Variants in TYW1 observed in about 807,000 individuals in gnomAD.
TYW1 encodes S-adenosyl-L-methionine-dependent tRNA 4-demethylwyosine synthase TYW1.
In TYW1, 46 loss-of-function variants were observed where a neutral mutation model predicts 96.2. The observed-to-expected ratio is 0.48, with a 90% CI of 0.38 to 0.61. TYW1 has a LOEUF of 0.61. TYW1 is among the 20% of genes least tolerant of loss of function. The pLI, the probability that TYW1 is intolerant of heterozygous loss-of-function variation, is 0.00. For missense variants in TYW1, 684 were observed against 909.6 expected, an observed-to-expected ratio of 0.75 and a Z score of 3.19; for synonymous variants, 274 against 323.0, an observed-to-expected ratio of 0.85 and a Z score of 1.63.
rs1241521573 is a variant in TYW1, at chr7:67,098,565, G to A, written c.1409G>A (p.Arg470His). 19 of 1,595,994 alleles carry A rather than the reference G, an allele frequency of 1.2e-5. 1 individual carries two copies. In the South Asian group the frequency reaches 1.6e-4, roughly 13 times the overall value. ...FKGVPGVKAE[R>H]FEEGMTVKHC... ...GGAGTACCGGGCGTCAAAGCAGAAC[G>A]CTTTGAAGAAGGAATGACGGTAAAG... The change falls in exon 12 of 16, where the codon CGC becomes CAC. Residue 470 changes from arginine (R) to histidine (H), a missense_variant. Physicochemically the swap from Arg to His is conservative, Grantham distance 29 (BLOSUM62 0). Transcript: ENST00000359626.
intron 13 of TYW1, among the ~76,000 whole-genome samples, chr7:67,123,992 T>A (rs1192765198): frequency 2.6e-5 from 4 of 152,124 alleles, no homozygotes. Flanking sequence ...ATACTGACCT[T>A]TTGAACCAAG....
chr7:67,095,513 A>C lies in TYW1; in HGVS notation c.1385-3028A>C, dbSNP rs1472352392. Among the ~76,000 whole-genome samples the C allele has an allele frequency of 2.0e-5, 3 of 149,698 alleles. 1 individual carries two copies. The highest frequency in any genetic ancestry group is 4.4e-5 in the Non-Finnish European group (3 of 67,528). On this transcript the variant is annotated intron_variant, in intron 11 of 15. Coordinates refer to ENST00000359626, the MANE Select transcript of TYW1 (RefSeq NM_018264.4). ...AAAAATACAAAAAAAAAAAAATTAG[A>C]CAGACGTGGTGGTGTGCGCCTGTAA...
chr7:67,121,455 T>G (rs1156434951), intron 13 of TYW1, among the ~76,000 whole-genome samples: 1 of 152,068 alleles, frequency 6.6e-6, no homozygotes. Context: ...GCAGGAGAAT[T>G]GCTTCAACCG....
intron 11 of TYW1, among the ~76,000 whole-genome samples, chr7:67,090,015 C>T (rs1193690321): frequency 1.3e-5 from 2 of 152,102 alleles, no homozygotes; most frequent in East Asian, 1.9e-4. Flanking sequence ...GGAACGTCCT[C>T]GGTACTAAAG....
chr7:67,232,462 C>A (rs1243321445), intron 15 of TYW1, among the ~76,000 whole-genome samples: 1 of 151,236 alleles, frequency 6.6e-6, no homozygotes, highest in African/African-American at 2.4e-5. Flanking sequence ...ATCACTTGAA[C>A]CCGAGAGGTG....
chr7:67,128,283 T>A (rs1450525678), intron 13 of TYW1, among the ~76,000 whole-genome samples: 3 of 152,220 alleles, frequency 2.0e-5, no homozygotes, highest in Non-Finnish European at 2.9e-5. Context: ...CTGTTGAGAA[T>A]CCTTAAACTC....
chr7:67,069,251 A>G (rs1266603809), intron 10 of TYW1, among the ~76,000 whole-genome samples: 1 of 152,200 alleles, frequency 6.6e-6, no homozygotes, highest in Non-Finnish European at 1.5e-5. Flanking sequence ...GAATTGGTAA[A>G]CTATTTTGAA....
intron 11 of TYW1, 71 bp from the exon 12 acceptor site, chr7:67,098,470 T>G (rs1796986272): frequency 1.4e-6 from 2 of 1,458,594 alleles, no homozygotes; most frequent in Non-Finnish European, 1.8e-6. Flanking sequence ...CAAAGCATCA[T>G]TAAGAAAAAC....
At chr7:67,176,394 C>T (rs1584657118) in intron 13 of TYW1, among the ~76,000 whole-genome samples, 1 of 152,098 alleles carries the variant, frequency 6.6e-6, no homozygotes, top group Non-Finnish European at 1.5e-5. Flanking sequence ...AACGTGGCTA[C>T]CCTGAATTGA....
chr7:67,087,945 C>T (rs1481890556), intron 11 of TYW1, among the ~76,000 whole-genome samples: 1 of 152,046 alleles, frequency 6.6e-6, no homozygotes, highest in Non-Finnish European at 1.5e-5. Context: ...CTCACTGCAA[C>T]CTCTGCCTCC....
Position 67,098,618 on chromosome 7 carries a change from C to T in TYW1, c.1462C>T (p.Pro488Ser). The T allele has an allele frequency of 6.2e-7, 1 of 1,613,620 alleles. No individual in the cohort carries two copies. The highest frequency in any genetic ancestry group is 8.5e-7 in the Non-Finnish European group (1 of 1,179,880). ...CTGTGCATTGTCCCTCGTGGGAGAA[C>T]CAATAATGTACCCAGAGATCAACAG... The part of the protein sequence containing the change: ...KHCALSLVGE[P>S]IMYPEINRFL... The change falls in exon 12 of 16, where the codon CCA becomes TCA. Residue 488 changes from proline (P) to serine (S), a missense_variant. Pro to Ser is a moderately conservative substitution (Grantham distance 74, BLOSUM62 -1). Transcript: ENST00000359626.
At position 67,067,287 on chromosome 7, in the gene TYW1, C is replaced by T; in HGVS notation, c.1158C>T (p.Ser386=). Residue 386 remains serine (S), a splice_region_variant and synonymous_variant, in exon 10 of 16, where the codon TCC becomes TCT. Transcript: ENST00000359626. ...TGTGATTTGTTTACTTGTCATAGTC[C>T]ATGCTCCGAGGGAGAGGAGGTTGTT... ...SGVKLCRWTK[S]MLRGRGGCYK... is the part of the protein sequence containing the mutation. 1.3e-6 allele frequency: 2 copies of T among 1,499,694 alleles called. No individual in the cohort carries two copies. Among genetic ancestry groups the T allele is most frequent in the Non-Finnish European group, 1.9e-6 (2 of 1,077,950 alleles). The allele number at this position is 1,499,694 out of a possible 1,614,324, so 92.9% of individuals were successfully genotyped here. A position where few individuals can be genotyped will look rare whatever the true frequency, so the allele number is the denominator to read the frequency against.
intron 13 of TYW1, among the ~76,000 whole-genome samples, chr7:67,134,875 A>T (rs187402332): frequency 6.8e-6 from 1 of 147,538 alleles, no homozygotes; most frequent in East Asian, 2.0e-4. Context: ...TGGGAGGCCA[A>T]GGTGGGAGGA....
intron 13 of TYW1, among the ~76,000 whole-genome samples, chr7:67,140,035 C>T (rs1191595470): frequency 6.6e-6 from 1 of 151,606 alleles, no homozygotes; most frequent in Non-Finnish European, 1.5e-5. Flanking sequence ...TGATGGAAGG[C>T]AAGGAGGAGC....
chr7:67,084,768 G>T (rs895336967), intron 11 of TYW1, among the ~76,000 whole-genome samples: 17 of 152,100 alleles, frequency 1.1e-4, no homozygotes, highest in African/African-American at 4.1e-4. Context: ...ACCCACTTTG[G>T]CCTCCCAAAT....
At chr7:67,026,938 G>A (rs1446734730) in intron 7 of TYW1, among the ~76,000 whole-genome samples, 2 of 152,118 alleles carry the variant, frequency 1.3e-5, no homozygotes, top group African/African-American at 2.4e-5. Flanking sequence ...GGCTCACCCT[G>A]TAATCCCAGC....
At chr7:67,013,843 A>G (rs1793907934) in intron 4 of TYW1, among the ~76,000 whole-genome samples, 2 of 139,674 alleles carry the variant, frequency 1.4e-5, no homozygotes, top group Middle Eastern at 4.9e-3. Context: ...TCCTGGATTC[A>G]TGCCATTCTC....
chr7:67,010,988 G>A (rs961316553), intron 4 of TYW1, among the ~76,000 whole-genome samples: 2 of 152,130 alleles, frequency 1.3e-5, no homozygotes, highest in Non-Finnish European at 1.5e-5. Flanking sequence ...AGAGAGTATG[G>A]GTTTCGGAAT....
chr7:67,055,145 T>C (rs1193507155), intron 8 of TYW1, among the ~76,000 whole-genome samples: 1 of 152,240 alleles, frequency 6.6e-6, no homozygotes, highest in Non-Finnish European at 1.5e-5. Context: ...CATGAAAGAA[T>C]GTAAATTCTA....
Sources: allele counts gnomAD v4.1 joint callset (sites outside exome capture counted in the v4.1 genomes callset), GRCh38; gene constraint gnomAD v4.1.1; transcripts MANE v1.5; gene names NCBI Gene and HGNC (gene_info 2026-07-23, HGNC 2026-07-21).